The following ALOX15B variants were observed in gnomAD, a reference collection of about 807,000 sequenced individuals.
The protein encoded by ALOX15B is polyunsaturated fatty acid lipoxygenase ALOX15B.
A neutral mutation model predicts 73.8 loss-of-function variants in ALOX15B; 74 were observed. That is an observed-to-expected ratio of 1.00 (90% CI 0.83 to 1.22). ALOX15B has a LOEUF of 1.22. Among genes scored for constraint, ALOX15B ranks in the 50% most tolerant of loss-of-function variants. The pLI is 0.00. For synonymous variants in ALOX15B, 353 were observed against 357.2 expected (o/e 0.99, Z 0.13); for missense variants, 896 against 859.9 (o/e 1.04, Z -0.52).
At position 8,045,315 on chromosome 17, in the gene ALOX15B, C is replaced by A. The variant is rs1976575294; in HGVS notation, c.927C>A (p.Phe309Leu). ...QTNVINGKPQFSAAPMTLLYQ... is the reference protein window; with the variant it reads ...QTNVINGKPQLSAAPMTLLYQ... ...ATGTCATTAATGGGAAGCCTCAGTTCTCTGCGGCCCCAATGACCCTGCTAT... is the reference window on the plus strand; with the variant it reads ...ATGTCATTAATGGGAAGCCTCAGTTATCTGCGGCCCCAATGACCCTGCTAT... Residue 309 changes from phenylalanine to leucine, a missense_variant, in exon 7 of 14, where the codon TTC becomes TTA. Phe to Leu is a conservative substitution (Grantham distance 22). Coordinates refer to ENST00000380183, the MANE Select transcript of ALOX15B (RefSeq NM_001141.3). 1 of 1,614,226 alleles carries A rather than the reference C, an allele frequency of 6.2e-7. No homozygotes were observed. Among genetic ancestry groups the A allele is most frequent in the Non-Finnish European group, 8.5e-7 (1 of 1,180,044 alleles).
At chr17:8,045,154 A>T in intron 6 of ALOX15B, 84 bp from the exon 7 acceptor site, 3 of 1,603,568 alleles carry the variant, frequency 1.9e-6, no homozygotes, top group Non-Finnish European at 2.6e-6. Flanking sequence ...CTCCTCTCCC[A>T]GCCCTGAATC....
intron 3 of ALOX15B, among the ~76,000 whole-genome samples, chr17:8,040,603 GAA>G (rs765157989): frequency 2.3e-4 from 23 of 100,678 alleles, no homozygotes; most frequent in South Asian, 6.5e-4. Flanking sequence ...GAAAGAGAGA[GAA>G]AGAAAGAAAG....
intron 2 of ALOX15B, 77 bp downstream of exon 2, chr17:8,039,682 G>T: frequency 7.3e-7 from 1 of 1,366,870 alleles, no homozygotes; most frequent in South Asian, 1.4e-5. Flanking sequence ...GAGAAGGGCA[G>T]GTGAAATGGA....
chr17:8,039,070 C>T lies in ALOX15B; in HGVS notation c.-86C>T, dbSNP rs1454799945. The stretch of plus-strand genomic sequence containing the variant: ...CTGGGCTTGGAGTCAGTGGCAATAA[C>T]CAGGGGCAATAACCAGGCGTGTCCC... On this transcript the variant is annotated 5_prime_UTR_variant, in exon 1 of 14. Transcript: ENST00000380183. 2 of 1,295,200 alleles carry T rather than the reference C, an allele frequency of 1.5e-6. No homozygotes were observed. Among genetic ancestry groups the T allele is most frequent in the East Asian group, 9.5e-5 (2 of 21,082 alleles). 80.2% of individuals were successfully genotyped at this position (1,295,200 alleles called of 1,614,324 possible).
At position 8,039,152 on chromosome 17, in the gene ALOX15B, C is replaced by T. The variant is rs376534256; in HGVS notation, c.-4C>T. The T allele has an allele frequency of 3.7e-6, 6 of 1,612,348 alleles. No homozygotes were observed. In the Admixed American group the frequency reaches 5.0e-5, roughly 13 times the overall value. ...CCGTAGAGAGCTGGACTTAGGCTGG[C>T]AGCATGGCCGAGTTCAGGGTCAGGG... On this transcript the variant is annotated 5_prime_UTR_variant, in exon 1 of 14. Coordinates refer to ENST00000380183, the MANE Select transcript of ALOX15B (RefSeq NM_001141.3).
At chr17:8,045,790 C>A in intron 8 of ALOX15B, 104 bp downstream of exon 8, 1 of 1,264,412 alleles carries the variant, frequency 7.9e-7, no homozygotes, top group South Asian at 1.4e-5. Context: ...GGATGCAGAG[C>A]CCCCGTCCGC....
intron 5 of ALOX15B, among the ~76,000 whole-genome samples, chr17:8,043,417 C>T (rs1377237738): frequency 6.6e-6 from 1 of 152,130 alleles, no homozygotes; most frequent in East Asian, 1.9e-4. Flanking sequence ...GGATCAGCCA[C>T]CTTTGGAGGA....
intron 3 of ALOX15B, among the ~76,000 whole-genome samples, chr17:8,041,563 G>A (rs891876698): frequency 2.6e-5 from 4 of 152,370 alleles, no homozygotes; most frequent in African/African-American, 9.6e-5. Flanking sequence ...CCACCTGGTG[G>A]CAGTGTACTT....
chr17:8,042,647 A>G, intron 4 of ALOX15B, 134 bp from the exon 5 acceptor site: 1 of 1,333,860 alleles, frequency 7.5e-7, no homozygotes. Flanking sequence ...CCACAGAGCA[A>G]CAGCTACCTT....
Position 8,048,615 on chromosome 17 carries a change from T to A in ALOX15B, c.*50T>A, listed in dbSNP as rs750934355. 6 of 1,558,268 alleles carry A rather than the reference T, an allele frequency of 3.9e-6. No individual in the cohort carries two copies. The East Asian group carries it at 6.8e-5, about 18-fold the overall frequency. On this transcript the variant is annotated 3_prime_UTR_variant, in exon 14 of 14. Transcript: ENST00000380183. ...TGACATCCCTTTGACCACATCGCTCTAGGATAACTGGCACCCAGAGAAAAG... is the reference window on the plus strand; with the variant it reads ...TGACATCCCTTTGACCACATCGCTCAAGGATAACTGGCACCCAGAGAAAAG...
Position 8,048,724 on chromosome 17 carries a change from A to C in ALOX15B, c.*159A>C. ...CTCACCCCCACCACCATACACACAC[A>C]CAAAAACAGAAACAAAATCAAAACA... On this transcript the variant is annotated 3_prime_UTR_variant, in exon 14 of 14. Transcript: ENST00000380183. The C allele has an allele frequency of 1.5e-6, 1 of 677,344 alleles. No individual in the cohort carries two copies. The highest frequency in any genetic ancestry group is 2.3e-6 in the Non-Finnish European group (1 of 429,450). The allele number at this position is 677,344 out of a possible 1,614,324, so 42.0% of individuals were successfully genotyped here. A position where few individuals can be genotyped will look rare whatever the true frequency, so the allele number is the denominator to read the frequency against.
In ALOX15B at chr17:8,047,403, C is replaced by T. The variant is rs752288075; in HGVS notation, c.1579+24C>T. On this transcript the variant is annotated intron_variant, in intron 11 of 13. Transcript: ENST00000380183. ...AGGTACAGGGACCTCAGCCCTCAGG[C>T]GCATTTGAGTGAGCCCATCCCCGTG... The T allele has an allele frequency of 3.3e-5, 54 of 1,612,698 alleles. No homozygotes were observed. The highest frequency in any genetic ancestry group is 9.9e-5 in the South Asian group (9 of 90,998).
chr17:8,046,896 C>T lies in ALOX15B; in HGVS notation c.1288-11C>T. On this transcript the variant is annotated splice_polypyrimidine_tract_variant and intron_variant, in intron 9 of 13. Transcript: ENST00000380183. Reference sequence around the variant, plus strand: ...GCAAGGTCTGTAGGACCCAAGAGTCCTGTCTCTCAGTCCACAGGCATCGGC... The same window carrying T: ...GCAAGGTCTGTAGGACCCAAGAGTCTTGTCTCTCAGTCCACAGGCATCGGC... 1.2e-6 allele frequency: 2 copies of T among 1,613,924 alleles called. No individual in the cohort carries two copies. The highest frequency in any genetic ancestry group is 8.5e-7 in the Non-Finnish European group (1 of 1,179,846).
intron 3 of ALOX15B, 25 bp from the exon 4 acceptor site, chr17:8,042,344 A>G: frequency 6.2e-7 from 1 of 1,612,240 alleles, no homozygotes; most frequent in Non-Finnish European, 8.5e-7. Flanking sequence ...CCTCTTGCTG[A>G]CCACCTTCCC....
chr17:8,044,755 C>A, intron 5 of ALOX15B, 74 bp from the exon 6 acceptor site: 1 of 1,178,276 alleles, frequency 8.5e-7, no homozygotes, highest in Non-Finnish European at 1.2e-6. Flanking sequence ...GGGGTAACCC[C>A]GTCCCCGTGT....
rs776322613 is a variant in ALOX15B at position 8,039,397 on chromosome 17, C to G, written c.159C>G (p.Phe53Leu). The G allele has an allele frequency of 2.5e-6, 4 of 1,612,864 alleles. No individual in the cohort carries two copies. Among genetic ancestry groups the G allele is most frequent in the Non-Finnish European group, 3.4e-6 (4 of 1,179,376 alleles). ...TAACCTCCCCTCAGGAGGAGGACTTCCAGGTGACGCTCCCGGAGGACGTAG... is the reference window on the plus strand; with the variant it reads ...TAACCTCCCCTCAGGAGGAGGACTTGCAGGTGACGCTCCCGGAGGACGTAG... Reference protein sequence around the residue: ...KEFTAGAEEDFQVTLPEDVGR... With the variant: ...KEFTAGAEEDLQVTLPEDVGR... The change falls in exon 2 of 14, where the codon TTC (phenylalanine) becomes TTG (leucine). Residue 53 changes from phenylalanine to leucine, a missense_variant. Coordinates refer to ENST00000380183, the MANE Select transcript of ALOX15B (RefSeq NM_001141.3).
At chr17:8,041,700 C>A (rs1976467230) in intron 3 of ALOX15B, among the ~76,000 whole-genome samples, 1 of 152,206 alleles carries the variant, frequency 6.6e-6, no homozygotes, top group Non-Finnish European at 1.5e-5. Flanking sequence ...ATGAATTTAC[C>A]ATTTCCCTGG....
chr17:8,044,148 GAAGGAAAGAAAGAA>G (rs1281130956), intron 5 of ALOX15B, among the ~76,000 whole-genome samples: 4 of 146,814 alleles, frequency 2.7e-5, no homozygotes, highest in African/African-American at 7.6e-5. Context: ...AGGAAGGAAG[GAAGGAAAGAAAGAA>G]AAGGAAAAAG....
Position 8,042,881 on chromosome 17 carries a change from G to A in ALOX15B, c.673G>A (p.Ala225Thr), listed in dbSNP as rs1313742284. ...CTTCAACTTCCGGAGGACCCCAGCAGCTGGTGAGGAGCTTGGGCCAGGGAT... is the reference window on the plus strand; with the variant it reads ...CTTCAACTTCCGGAGGACCCCAGCAACTGGTGAGGAGCTTGGGCCAGGGAT... ...RIFNFRRTPA[A>T]EHAFEHWQED... Residue 225 changes from alanine to threonine, a missense_variant, in exon 5 of 14, where the codon GCT becomes ACT. Physicochemically the swap from Ala to Thr is moderately conservative, Grantham distance 58 (BLOSUM62 0). Transcript: ENST00000380183. 3 of 1,551,812 alleles carry A rather than the reference G, an allele frequency of 1.9e-6. No homozygotes were observed. The highest frequency in any genetic ancestry group is 2.6e-6 in the Non-Finnish European group (3 of 1,147,098).
Sources: gnomAD v4.1 joint callset for allele counts (sites outside exome capture counted in the v4.1 genomes callset) on GRCh38, gnomAD v4.1.1 for gene constraint, MANE v1.5 for transcripts, NCBI Gene and HGNC (gene_info 2026-07-23, HGNC 2026-07-21) for gene names.